The following FOXN4 variants were observed in gnomAD, a reference collection of about 807,000 sequenced individuals.
FOXN4 encodes forkhead box protein N4.
In FOXN4, 12 loss-of-function variants were observed where a neutral mutation model predicts 45.0. That is an observed-to-expected ratio of 0.27 (90% confidence interval 0.17 to 0.43). FOXN4 has a LOEUF of 0.43. FOXN4 is among the 20% of genes least tolerant of loss of function. The probability of loss-of-function intolerance (pLI) is 1.00; values close to 1 mark genes in which losing one functional copy is unlikely to be tolerated. For missense variants in FOXN4, 560 were observed against 694.9 expected (o/e 0.81, Z 2.18); for synonymous variants, 297 against 295.0 (o/e 1.01, Z -0.07).
chr12:109,299,595 A>G (rs2047850785), intron 2 of FOXN4, among the ~76,000 whole-genome samples: 1 of 152,130 alleles, frequency 6.6e-6, no homozygotes, highest in Non-Finnish European at 1.5e-5. Context: ...ATGCCACTAG[A>G]GCCCCTTTAG....
Position 109,288,930 on chromosome 12 carries a change from G to C in FOXN4, c.233-750C>G, listed in dbSNP as rs528286760. ...TGTCTTGTCCTTCTCTCTCTGACCAGATCATCAGCTTTCTAAGAACTGGGA... is the reference window on the plus strand; with the variant it reads ...TGTCTTGTCCTTCTCTCTCTGACCACATCATCAGCTTTCTAAGAACTGGGA... On this transcript the variant is annotated intron_variant, in intron 3 of 9. Coordinates refer to ENST00000299162, the MANE Select transcript of FOXN4 (RefSeq NM_213596.3). This position sits in a 1 kb window ranked among gnomAD's most constrained non-coding sequence, Gnocchi z 4.3. Among the ~76,000 whole-genome samples, 108 of 152,316 alleles carry C rather than the reference G, an allele frequency of 7.1e-4. 1 individual carries two copies. The highest frequency in any genetic ancestry group is 2.4e-3 in the African/African-American group (101 of 41,574).
intron 2 of FOXN4, among the ~76,000 whole-genome samples, chr12:109,292,517 G>A (rs992764302): frequency 3.3e-5 from 5 of 152,070 alleles, no homozygotes; most frequent in South Asian, 2.1e-4. Context: ...TGTATAATGC[G>A]GATAACAATA....
At chr12:109,298,977 C>T (rs1462796467) in intron 2 of FOXN4, among the ~76,000 whole-genome samples, 1 of 152,062 alleles carries the variant, frequency 6.6e-6, no homozygotes, top group Non-Finnish European at 1.5e-5. Context: ...GACAACAGTT[C>T]ATCAATAATT....
rs2047651687 is a variant in FOXN4 at position 109,281,495 on chromosome 12, C to G, written c.1206G>C (p.Arg402Ser). The G allele has an allele frequency of 6.2e-7, 1 of 1,613,872 alleles. No individual in the cohort carries two copies. The highest frequency in any genetic ancestry group is 1.1e-5 in the South Asian group (1 of 91,092). ...TGATGTTGATGAAGTCTACAGGAGC[C>G]CTTCCCATGGCGGGGTGGGGGAGCG... ...PSPLPHPAMG[R>S]APVDFINIST... The change falls in exon 9 of 10, where the codon AGG becomes AGC. Residue 402 changes from arginine (R) to serine (S), a missense_variant. By Grantham distance (110) the Arg-to-Ser change is moderately radical. Coordinates refer to ENST00000299162, the MANE Select transcript of FOXN4 (RefSeq NM_213596.3).
At chr12:109,295,117 C>A (rs745994614) in intron 2 of FOXN4, among the ~76,000 whole-genome samples, 1 of 152,134 alleles carries the variant, frequency 6.6e-6, no homozygotes, top group Non-Finnish European at 1.5e-5. Context: ...ATACCTCATA[C>A]CCCCCAGGCT....
chr12:109,304,292 A>AAAGAAAGGAAGG (rs1566005745), intron 2 of FOXN4, among the ~76,000 whole-genome samples: 1 of 45,544 alleles, frequency 2.2e-5, no homozygotes, highest in Admixed American at 2.6e-4. Context: ...AGAAAGAAAG[A>AAAGAAAGGAAGG]AAGGAGAAAG....
At chr12:109,308,415 G>A in intron 1 of FOXN4, 91 bp from the exon 2 acceptor site, 2 of 828,164 alleles carry the variant, frequency 2.4e-6, no homozygotes, top group Non-Finnish European at 1.9e-6. Context: ...TCAGAAAGAT[G>A]GAGCACAATC....
chr12:109,288,030 TC>T lies in FOXN4; in HGVS notation c.357+25del. On this transcript the variant is annotated intron_variant, in intron 4 of 9. Transcript: ENST00000299162. This position sits in a 1 kb window ranked among gnomAD's most constrained non-coding sequence, Gnocchi z 4.3. ...CCAGTCTGGAGGGCACTACCCGCCC[TC>T]CGCAGTCCATGCAGTGCCACTTACG... The T allele has an allele frequency of 6.5e-7, 1 of 1,549,942 alleles. No individual in the cohort carries two copies. Among genetic ancestry groups the T allele is most frequent in the Non-Finnish European group, 8.7e-7 (1 of 1,146,706 alleles).
chr12:109,291,985 T>C lies in FOXN4; in HGVS notation c.87-1699A>G, dbSNP rs1236640251. 1.3e-5 allele frequency among the ~76,000 whole-genome samples: 2 copies of C among 152,174 alleles called. No individual in the cohort carries two copies. Among genetic ancestry groups the C allele is most frequent in the East Asian group, 3.9e-4 (2 of 5,158 alleles). ...ACCCCTCCGGCCTGCTCGTAACTCATCTGGCCAAGTGACAGCCACGGCCCC... is the reference window on the plus strand; with the variant it reads ...ACCCCTCCGGCCTGCTCGTAACTCACCTGGCCAAGTGACAGCCACGGCCCC... On this transcript the variant is annotated intron_variant, in intron 2 of 9. Coordinates refer to ENST00000299162, the MANE Select transcript of FOXN4 (RefSeq NM_213596.3). This position sits in a 1 kb window ranked among gnomAD's most constrained non-coding sequence, Gnocchi z 6.6.
intron 2 of FOXN4, among the ~76,000 whole-genome samples, chr12:109,295,528 G>A (rs1351815948): frequency 2.0e-5 from 3 of 152,210 alleles, no homozygotes; most frequent in African/African-American, 7.2e-5. Flanking sequence ...GCTCATGCCT[G>A]TAATCCCAGC....
chr12:109,284,454 C>CGTGCATGTGTGT (rs959355740), intron 8 of FOXN4, among the ~76,000 whole-genome samples: 18 of 152,024 alleles, frequency 1.2e-4, no homozygotes, highest in African/African-American at 4.4e-4. Flanking sequence ...CATATGTGTG[C>CGTGCATGTGTGT]GTGCATGTGT....
intron 2 of FOXN4, among the ~76,000 whole-genome samples, chr12:109,299,794 T>C (rs1432007026): frequency 6.6e-6 from 1 of 152,228 alleles, no homozygotes; most frequent in Non-Finnish European, 1.5e-5. Flanking sequence ...ACCTACTATG[T>C]GCTTATTACT....
chr12:109,283,171 A>G (rs1670636742), intron 8 of FOXN4, among the ~76,000 whole-genome samples: 1 of 76,922 alleles, frequency 1.3e-5, no homozygotes, highest in African/African-American at 5.3e-5. Context: ...CCTCAAATCC[A>G]TTAATTTTTT....
intron 8 of FOXN4, 58 bp downstream of exon 8, chr12:109,285,246 T>C (rs1435687961): frequency 9.5e-6 from 5 of 527,768 alleles, no homozygotes; most frequent in Non-Finnish European, 1.1e-5. Flanking sequence ...TCCTCTTCCG[T>C]GTGTGTGTGT....
chr12:109,283,140 T>G (rs1388361022), intron 8 of FOXN4, among the ~76,000 whole-genome samples: 1 of 150,914 alleles, frequency 6.6e-6, no homozygotes, highest in Non-Finnish European at 1.5e-5. Flanking sequence ...TCCCCATGCA[T>G]ATGTCCCTTG....
Position 109,288,993 on chromosome 12 carries a change from A to G in FOXN4, c.233-813T>C, listed in dbSNP as rs1449799898. 6.6e-6 allele frequency among the ~76,000 whole-genome samples: 1 copy of G among 152,238 alleles called. No individual in the cohort carries two copies. The highest frequency in any genetic ancestry group is 2.4e-5 in the African/African-American group (1 of 41,470). The stretch of plus-strand genomic sequence containing the variant: ...TCATTCATTGCTCCAAATGCCTGGC[A>G]CAGTAACAGGCCCACAGAAAGTACC... On this transcript the variant is annotated intron_variant, in intron 3 of 9. Transcript: ENST00000299162. The surrounding 1 kb of genome is among the most constrained non-coding windows in gnomAD (Gnocchi z 4.3).
chr12:109,281,552 T>G lies in FOXN4; in HGVS notation c.1149A>C (p.Pro383=). 1 of 1,610,286 alleles carries G rather than the reference T, an allele frequency of 6.2e-7. No individual in the cohort carries two copies. Among genetic ancestry groups the G allele is most frequent in the Non-Finnish European group, 8.5e-7 (1 of 1,178,266 alleles). Reference sequence around the variant, plus strand: ...GGCTGAGGTCCGGCAGGGCGTGCAGTGGCGGGGTCTGGGCTGGTGCTGGAG... The same window carrying G: ...GGCTGAGGTCCGGCAGGGCGTGCAGGGGCGGGGTCTGGGCTGGTGCTGGAG... The part of the protein sequence containing the change: ...PDSPAPAQTP[P]LHALPDLSPS... Residue 383 remains proline, a synonymous_variant, in exon 9 of 10, where the codon CCA becomes CCC. Transcript: ENST00000299162.
At chr12:109,282,663 T>C (rs1387308565) in intron 8 of FOXN4, among the ~76,000 whole-genome samples, 1 of 152,132 alleles carries the variant, frequency 6.6e-6, no homozygotes, top group African/African-American at 2.4e-5. Flanking sequence ...TAAAGAGACA[T>C]TAAGAAGTGT....
chr12:109,299,945 G>A (rs994815240), intron 2 of FOXN4, among the ~76,000 whole-genome samples: 2 of 152,198 alleles, frequency 1.3e-5, no homozygotes, highest in African/African-American at 4.8e-5. Flanking sequence ...AGGCTTTGGG[G>A]TCAGCCAGGC....
Sources: gnomAD v4.1 joint callset for allele counts (sites outside exome capture counted in the v4.1 genomes callset) on GRCh38, gnomAD v4.1.1 for gene constraint, Gnocchi (gnomAD v3.1) non-coding constraint, MANE v1.5 for transcripts, NCBI Gene and HGNC (gene_info 2026-07-23, HGNC 2026-07-21) for gene names.